Variants in ENOX1 observed in about 807,000 individuals in gnomAD.
The protein encoded by ENOX1 is candidate growth-related and time keeping constitutive hydroquinone (NADH) oxidase.
In ENOX1, 42 loss-of-function variants were observed where a neutral mutation model predicts 82.5. That is an observed-to-expected ratio of 0.51 (90% CI 0.40 to 0.66). The LOEUF (loss-of-function observed/expected upper bound fraction) is 0.66. ENOX1 is among the 30% of genes least tolerant of loss of function. The pLI is 0.00. For synonymous variants in ENOX1, 271 were observed against 282.2 expected, an observed-to-expected ratio of 0.96 and a Z score of 0.40; for missense variants, 608 against 811.6, an observed-to-expected ratio of 0.75 and a Z score of 3.05.
intron 12 of ENOX1, among the ~76,000 whole-genome samples, chr13:43,288,679 A>G (rs1223289354): frequency 6.6e-6 from 1 of 152,216 alleles, no homozygotes; most frequent in Non-Finnish European, 1.5e-5. Flanking sequence ...GAATGAGCCA[A>G]TAACCAGATC....
chr13:43,278,129 T>C (rs191893660), intron 12 of ENOX1, among the ~76,000 whole-genome samples: 6 of 152,382 alleles, frequency 3.9e-5, no homozygotes, highest in Admixed American at 1.3e-4. Flanking sequence ...TAACAATCTT[T>C]TGCTGATCTA....
chr13:43,230,920 C>A (rs963246746), intron 15 of ENOX1, among the ~76,000 whole-genome samples: 1 of 152,122 alleles, frequency 6.6e-6, no homozygotes, highest in African/African-American at 2.4e-5. Flanking sequence ...TGGAATATTG[C>A]CAGAATATAC....
rs1039154904 is a variant in ENOX1 at position 43,672,038 on chromosome 13, C to T, written c.-284-4494G>A. ...TTTTTACCATTCATACCATTGACAT[C>T]ATTGGACTGAGATCATCACCCCTTC... On this transcript the variant is annotated intron_variant, in intron 1 of 16. Transcript: ENST00000690772. 2.0e-5 allele frequency among the ~76,000 whole-genome samples: 3 copies of T among 152,172 alleles called. No individual in the cohort carries two copies. In the East Asian group the frequency reaches 5.8e-4, roughly 29 times the overall value.
intron 3 of ENOX1, among the ~76,000 whole-genome samples, chr13:43,426,726 G>A (rs1156378803): frequency 2.0e-5 from 3 of 152,054 alleles, no homozygotes; most frequent in African/African-American, 4.8e-5. Context: ...TGACTATTAC[G>A]GCAATTAGGA....
intron 2 of ENOX1, among the ~76,000 whole-genome samples, chr13:43,554,871 T>C (rs893537650): frequency 1.3e-5 from 2 of 152,200 alleles, no homozygotes; most frequent in Non-Finnish European, 2.9e-5. Flanking sequence ...TGAGCCACGG[T>C]GCCTGGCCCT....
chr13:43,766,959 CT>C (rs1951314232), intron 1 of ENOX1, among the ~76,000 whole-genome samples: 2 of 32,126 alleles, frequency 6.2e-5, no homozygotes, highest in Non-Finnish European at 1.8e-4. Context: ...GAATGTCTCT[CT>C]TAAAAAAAAA....
At chr13:43,284,774 GTGT>G in intron 12 of ENOX1, among the ~76,000 whole-genome samples, 1 of 2,872 alleles carries the variant, frequency 3.5e-4, no homozygotes, top group East Asian at 0.056. Flanking sequence ...TGTTAAAGGT[GTGT>G]GTGTGTGTGT....
chr13:43,361,355 G>C lies in ENOX1; in HGVS notation c.306C>G (p.Pro102=). ...PMIPGLGLVP[P]PPPTEVAVVK... ...CAACAGCCACTTCTGTTGGTGGTGGGGGAGGTACCAGTCCAAGGCCTGGTA... is the reference window on the plus strand; with the variant it reads ...CAACAGCCACTTCTGTTGGTGGTGGCGGAGGTACCAGTCCAAGGCCTGGTA... The change falls in exon 6 of 17, where the codon CCC becomes CCG. Residue 102 remains proline, a synonymous_variant. Transcript: ENST00000690772. The C allele has an allele frequency of 5.0e-6, 8 of 1,614,004 alleles. No homozygotes were observed. Among genetic ancestry groups the C allele is most frequent in the Non-Finnish European group, 5.1e-6 (6 of 1,179,932 alleles).
intron 5 of ENOX1, among the ~76,000 whole-genome samples, chr13:43,404,213 G>A (rs1040163984): frequency 6.6e-6 from 1 of 152,152 alleles, no homozygotes; most frequent in Non-Finnish European, 1.5e-5. Context: ...TCAGTAGTTT[G>A]CACTTCAAAT....
intron 2 of ENOX1, among the ~76,000 whole-genome samples, chr13:43,580,400 C>T: frequency 6.6e-6 from 1 of 152,174 alleles, no homozygotes. Context: ...TGACTTAATT[C>T]TCACCAGTCG....
intron 1 of ENOX1, among the ~76,000 whole-genome samples, chr13:43,739,705 T>C (rs2089808456): frequency 6.6e-6 from 1 of 151,870 alleles, no homozygotes; most frequent in African/African-American, 2.4e-5. Flanking sequence ...AATAAGATGG[T>C]TAAATAAAGT....
intron 3 of ENOX1, among the ~76,000 whole-genome samples, chr13:43,455,764 T>C (rs1408843603): frequency 6.6e-6 from 1 of 152,124 alleles, no homozygotes; most frequent in Non-Finnish European, 1.5e-5. Context: ...ACTGTTCTCA[T>C]GGGAATGGAT....
Position 43,311,650 on chromosome 13 carries a change from C to T in ENOX1, c.1261+10734G>A, listed in dbSNP as rs550164203. 3.7e-4 allele frequency among the ~76,000 whole-genome samples: 56 copies of T among 152,272 alleles called. No individual in the cohort carries two copies. In the Middle Eastern group the frequency reaches 0.01, roughly 28 times the overall value. Reference sequence around the variant, plus strand: ...GAAAAGCCGAACTGATGTTATGCTACGAGGATTTTTCAGAGGAGAGAAGCA... The same window carrying T: ...GAAAAGCCGAACTGATGTTATGCTATGAGGATTTTTCAGAGGAGAGAAGCA... On this transcript the variant is annotated intron_variant, in intron 11 of 16. Transcript: ENST00000690772.
In ENOX1 at chr13:43,472,724, C is replaced by G. The variant is rs967594085; in HGVS notation, c.-75+11285G>C. Among the ~76,000 whole-genome samples, 11 of 152,204 alleles carry G rather than the reference C, an allele frequency of 7.2e-5. No individual in the cohort carries two copies. In the East Asian group the frequency reaches 1.9e-3, roughly 27 times the overall value. On this transcript the variant is annotated intron_variant, in intron 3 of 16. Coordinates refer to ENST00000690772, the MANE Select transcript of ENOX1 (RefSeq NM_001347969.2). ...TTAATTATTTTTCTTGTTTATTTGT[C>G]CAGTAAACATTTAAATTGTAGCCTA...
chr13:43,409,766 T>C (rs1023192390), intron 5 of ENOX1, among the ~76,000 whole-genome samples: 1 of 152,240 alleles, frequency 6.6e-6, no homozygotes, highest in African/African-American at 2.4e-5. Context: ...AAATGCATAA[T>C]AGAAAATGTT....
At chr13:43,767,366 T>C (rs1951339941) in intron 1 of ENOX1, among the ~76,000 whole-genome samples, 1 of 152,160 alleles carries the variant, frequency 6.6e-6, no homozygotes, top group South Asian at 2.1e-4. Flanking sequence ...TCTGTGTTGT[T>C]TTTAACCTTG....
At chr13:43,268,925 C>T (rs1189348082) in intron 13 of ENOX1, among the ~76,000 whole-genome samples, 1 of 152,148 alleles carries the variant, frequency 6.6e-6, no homozygotes, top group Non-Finnish European at 1.5e-5. Flanking sequence ...CTTTCCAATC[C>T]ACTTATCAAT....
chr13:43,769,694 T>C (rs960604255), intron 1 of ENOX1, among the ~76,000 whole-genome samples: 8 of 152,320 alleles, frequency 5.3e-5, no homozygotes, highest in African/African-American at 1.9e-4. Flanking sequence ...GCTGGTAGAA[T>C]ACATTCCTCT....
chr13:43,647,621 G>T (rs2153773752), intron 2 of ENOX1, among the ~76,000 whole-genome samples: 1 of 152,288 alleles, frequency 6.6e-6, no homozygotes, highest in East Asian at 1.9e-4. Flanking sequence ...AGAGAAATGA[G>T]GCTTTGGGCT....
Sources: gnomAD v4.1 joint callset for allele counts (sites outside exome capture counted in the v4.1 genomes callset) on GRCh38, gnomAD v4.1.1 for gene constraint, MANE v1.5 for transcripts, NCBI Gene and HGNC (gene_info 2026-07-23, HGNC 2026-07-21) for gene names.